MAP3K5: variants seen among roughly 807,000 people sequenced by gnomAD.
MAP3K5 encodes the protein mitogen-activated protein kinase kinase kinase 5.
Under a neutral mutation model 158.7 loss-of-function variants are expected in MAP3K5, and 56 were observed. The ratio of observed to expected loss-of-function variants is 0.35; its 90% CI spans 0.28 to 0.44. The LOEUF (loss-of-function observed/expected upper bound fraction) is 0.44, where lower values mean the gene tolerates loss of function less well. MAP3K5 is among the 20% of genes least tolerant of loss of function. The pLI is 1.00. For synonymous variants in MAP3K5, 579 were observed against 601.7 expected (o/e 0.96, Z 0.55); for missense variants, 1,294 against 1,674.8 (o/e 0.77, Z 3.97).
At chr6:136,730,246 G>A (rs1369564769) in intron 1 of MAP3K5, among the ~76,000 whole-genome samples, 3 of 148,774 alleles carry the variant, frequency 2.0e-5, no homozygotes, top group Non-Finnish European at 3.0e-5. Flanking sequence ...TGAGCCACCC[G>A]CCTAGGCCTC....
intron 1 of MAP3K5, among the ~76,000 whole-genome samples, chr6:136,774,018 C>T (rs1462882175): frequency 6.6e-6 from 1 of 152,148 alleles, no homozygotes; most frequent in Non-Finnish European, 1.5e-5. Flanking sequence ...CTTTATCCTA[C>T]CCCTTCCTTA....
chr6:136,704,199 T>C (rs1276585508), intron 3 of MAP3K5, among the ~76,000 whole-genome samples: 1 of 152,220 alleles, frequency 6.6e-6, no homozygotes, highest in Non-Finnish European at 1.5e-5. Flanking sequence ...TAGATAAAGA[T>C]ATCTATATAT....
intron 1 of MAP3K5, among the ~76,000 whole-genome samples, chr6:136,736,571 A>G (rs545286845): frequency 7.2e-5 from 11 of 152,316 alleles, no homozygotes; most frequent in African/African-American, 2.6e-4. Flanking sequence ...CTGATCTTTT[A>G]ACTGCTGACA....
intron 14 of MAP3K5, among the ~76,000 whole-genome samples, chr6:136,625,142 CT>C (rs796953162): frequency 1.3e-5 from 2 of 150,804 alleles, no homozygotes. Context: ...AATTTGTCTG[CT>C]TTTTTTTTGG....
chr6:136,572,587 T>C (rs1250876826), intron 25 of MAP3K5, among the ~76,000 whole-genome samples: 2 of 152,276 alleles, frequency 1.3e-5, no homozygotes, highest in East Asian at 1.9e-4. Flanking sequence ...TCCTGTTGAC[T>C]ATAATCTCAC....
chr6:136,600,485 T>C (rs1319226005), intron 21 of MAP3K5, among the ~76,000 whole-genome samples: 1 of 152,114 alleles, frequency 6.6e-6, no homozygotes, highest in Non-Finnish European at 1.5e-5. Flanking sequence ...TGAACCACCA[T>C]GCCCAGCCTC....
rs544042866 is a variant in MAP3K5 at position 136,581,881 on chromosome 6, A to G, written c.3412-1475T>C. ...GCGGATCACCTGAGGCCAGGAGTTC[A>G]AGACCAGCCTAGCCAACATGGCAAA... On this transcript the variant is annotated intron_variant, in intron 24 of 29. Coordinates refer to ENST00000359015, the MANE Select transcript of MAP3K5 (RefSeq NM_005923.4). Among the ~76,000 whole-genome samples the G allele has an allele frequency of 2.2e-4, 33 of 152,296 alleles. No homozygotes were observed. In the South Asian group the frequency reaches 6.6e-3, roughly 31 times the overall value.
chr6:136,757,252 T>C (rs1054083057), intron 1 of MAP3K5, among the ~76,000 whole-genome samples: 1 of 152,206 alleles, frequency 6.6e-6, no homozygotes, highest in East Asian at 1.9e-4. Context: ...CTAGGACTTT[T>C]CAAGAAAATA....
chr6:136,658,202 C>T (rs1366508804), intron 9 of MAP3K5, among the ~76,000 whole-genome samples: 1 of 152,032 alleles, frequency 6.6e-6, no homozygotes, highest in Non-Finnish European at 1.5e-5. Context: ...TGGAAACAGG[C>T]TTCCACTATA....
Position 136,760,749 on chromosome 6 carries a change from C to A in MAP3K5, c.448+30961G>T, listed in dbSNP as rs376951433. 9.5e-4 allele frequency among the ~76,000 whole-genome samples: 144 copies of A among 152,240 alleles called. 2 individuals are homozygous for A. In the South Asian group the frequency reaches 0.029, roughly 31 times the overall value. On this transcript the variant is annotated intron_variant, in intron 1 of 29. Coordinates refer to ENST00000359015, the MANE Select transcript of MAP3K5 (RefSeq NM_005923.4). Reference sequence around the variant, plus strand: ...CTTTGGGAGGCTGAGGTGGGTGGACCATCTGAGGTCAGGAGTTCCAGACCA... The same window carrying A: ...CTTTGGGAGGCTGAGGTGGGTGGACAATCTGAGGTCAGGAGTTCCAGACCA...
At chr6:136,712,685 C>T (rs1781359715) in intron 2 of MAP3K5, among the ~76,000 whole-genome samples, 1 of 152,124 alleles carries the variant, frequency 6.6e-6, no homozygotes, top group Non-Finnish European at 1.5e-5. Flanking sequence ...GGCTGTGTCC[C>T]CACCCAAATC....
At chr6:136,779,452 A>C (rs1388930097) in intron 1 of MAP3K5, among the ~76,000 whole-genome samples, 1 of 151,304 alleles carries the variant, frequency 6.6e-6, no homozygotes, top group Non-Finnish European at 1.5e-5. Flanking sequence ...CAAAAAAAAA[A>C]AAAAAAAAAG....
chr6:136,766,551 T>G (rs1023440130), intron 1 of MAP3K5, among the ~76,000 whole-genome samples: 1 of 152,200 alleles, frequency 6.6e-6, no homozygotes, highest in Non-Finnish European at 1.5e-5. Context: ...TACAAGGACA[T>G]CTGGCTCAAC....
In MAP3K5 at chr6:136,694,700, G is replaced by C. The variant is rs552036708; in HGVS notation, c.1083-390C>G. On this transcript the variant is annotated intron_variant, in intron 6 of 29. Coordinates refer to ENST00000359015, the MANE Select transcript of MAP3K5 (RefSeq NM_005923.4). ...AAGTAGGGACAAAACCCTGACCTTA[G>C]GTTTCAATGGCTTTTGCTCCAAAAC... Among the ~76,000 whole-genome samples, 10 of 152,264 alleles carry C rather than the reference G, an allele frequency of 6.6e-5. 2 individuals are homozygous for C. Among genetic ancestry groups the C allele is most frequent in the African/African-American group, 2.4e-4 (10 of 41,546 alleles).
intron 25 of MAP3K5, among the ~76,000 whole-genome samples, chr6:136,571,239 T>A (rs897386817): frequency 2.6e-5 from 4 of 152,172 alleles, no homozygotes; most frequent in Admixed American, 6.5e-5. Flanking sequence ...CTCAATTAGA[T>A]TCTACTCTGC....
chr6:136,568,607 G>A (rs1003732976), intron 25 of MAP3K5, among the ~76,000 whole-genome samples: 6 of 152,168 alleles, frequency 3.9e-5, no homozygotes, highest in Admixed American at 3.3e-4. Context: ...GGGCACAGTG[G>A]CTCACGCCTG....
At chr6:136,669,697 C>G (rs1444747030) in intron 7 of MAP3K5, among the ~76,000 whole-genome samples, 1 of 152,056 alleles carries the variant, frequency 6.6e-6, no homozygotes, top group Non-Finnish European at 1.5e-5. Flanking sequence ...GTTACAAGGG[C>G]ATTTGTTACA....
In MAP3K5 at chr6:136,752,221, C is replaced by A. The variant is rs573509049; in HGVS notation, c.449-31632G>T. Among the ~76,000 whole-genome samples, 9 of 152,276 alleles carry A rather than the reference C, an allele frequency of 5.9e-5. No homozygotes were observed. The South Asian group carries it at 1.9e-3, about 32-fold the overall frequency. ...AGATGATCAAGTCATAGTCCCTGTT[C>A]TTAGGGACTTACAGTTAGTGGGGGA... On this transcript the variant is annotated intron_variant, in intron 1 of 29. Coordinates refer to ENST00000359015, the MANE Select transcript of MAP3K5 (RefSeq NM_005923.4).
chr6:136,743,947 G>A (rs1782823012), intron 1 of MAP3K5, among the ~76,000 whole-genome samples: 1 of 152,184 alleles, frequency 6.6e-6, no homozygotes, highest in Non-Finnish European at 1.5e-5. Flanking sequence ...AAAAGGCTGT[G>A]ACATTCTGAA....
Sources: gnomAD v4.1 joint callset for allele counts (sites outside exome capture counted in the v4.1 genomes callset) on GRCh38, gnomAD v4.1.1 for gene constraint, MANE v1.5 for transcripts, NCBI Gene and HGNC (gene_info 2026-07-23, HGNC 2026-07-21) for gene names.